ORAI2: variants seen among roughly 807,000 people sequenced by gnomAD.
ORAI2 encodes protein orai-2.
A neutral mutation model predicts 16.2 loss-of-function variants in ORAI2; 10 were observed. The ratio of observed to expected loss-of-function variants is 0.62; its 90% confidence interval spans 0.38 to 1.04. The LOEUF (loss-of-function observed/expected upper bound fraction) is 1.04, where lower values mean the gene tolerates loss of function less well. Among genes scored for constraint, ORAI2 ranks in the 50% least tolerant of loss-of-function variants. The pLI, the probability that ORAI2 is intolerant of heterozygous loss-of-function variation, is 0.01. For synonymous variants in ORAI2, 150 were observed against 157.5 expected (o/e 0.95, Z 0.35); for missense variants, 238 against 355.5 (o/e 0.67, Z 2.66).
intron 3 of ORAI2, among the ~76,000 whole-genome samples, chr7:102,443,724 T>G (rs1340222668): frequency 1.3e-5 from 2 of 151,966 alleles, no homozygotes; most frequent in Non-Finnish European, 2.9e-5. Context: ...TTTTCTTTTT[T>G]GAGATGTAGT....
chr7:102,441,145 G>A (rs971008495), intron 3 of ORAI2, among the ~76,000 whole-genome samples: 6 of 151,194 alleles, frequency 4.0e-5, no homozygotes, highest in East Asian at 2.0e-4. Flanking sequence ...CGCCACCCTC[G>A]GCCTCCCAAA....
At chr7:102,439,726 T>C (rs890229386) in intron 3 of ORAI2, among the ~76,000 whole-genome samples, 1 of 151,814 alleles carries the variant, frequency 6.6e-6, no homozygotes, top group Non-Finnish European at 1.5e-5. Flanking sequence ...TCCACACGAC[T>C]GCACTCCAGC....
At chr7:102,441,531 T>C (rs1250296760) in intron 3 of ORAI2, among the ~76,000 whole-genome samples, 5 of 136,942 alleles carry the variant, frequency 3.7e-5, no homozygotes, top group South Asian at 2.4e-4. Context: ...AGAGCGAGAC[T>C]GCATCTCAAA....
chr7:102,443,559 G>A (rs1469485520), intron 3 of ORAI2, among the ~76,000 whole-genome samples: 1 of 151,818 alleles, frequency 6.6e-6, no homozygotes, highest in African/African-American at 2.4e-5. Context: ...TTCCTTTGAG[G>A]TGACCATAGC....
At position 102,448,614 on chromosome 7, in the gene ORAI2, G is replaced by A. The variant is rs1284194070; in HGVS notation, c.*1562G>A. ...TAGCCCCAGCTACTTGGGAGGCTGA[G>A]GCGGGAGAATGGCAATGGCGTGAAC... On this transcript the variant is annotated 3_prime_UTR_variant, in exon 4 of 4. Transcript: ENST00000495936. 2 of 152,112 alleles carry A rather than the reference G, an allele frequency of 1.3e-5. No homozygotes were observed. Among genetic ancestry groups the A allele is most frequent in the African/African-American group, 4.8e-5 (2 of 41,372 alleles). The allele number at this position is 152,112 out of a possible 1,614,324, so 9.4% of individuals were successfully genotyped here. A position where few individuals can be genotyped will look rare whatever the true frequency, so the allele number is the denominator to read the frequency against.
Position 102,450,260 on chromosome 7 carries a change from TGGCTTTG to T in ORAI2, c.*3211_*3217del, listed in dbSNP as rs1010038118. 7.0e-6 allele frequency: 1 copy of T among 143,758 alleles called. No homozygotes were observed. Among genetic ancestry groups the T allele is most frequent in the African/African-American group, 2.6e-5 (1 of 38,392 alleles). 8.9% of individuals were successfully genotyped at this position (143,758 alleles called of 1,614,324 possible). On this transcript the variant is annotated 3_prime_UTR_variant, in exon 4 of 4. Transcript: ENST00000495936. ...AGCATGTCAGCGTTCCTCCAAGGAGTGGCTTTGGGTCAAGAAGACAGGCTGGCTCTCC... is the reference window on the plus strand; with the variant it reads ...AGCATGTCAGCGTTCCTCCAAGGAGTGGTCAAGAAGACAGGCTGGCTCTCC...
intron 2 of ORAI2, among the ~76,000 whole-genome samples, chr7:102,438,163 C>G (rs960485923): frequency 1.3e-5 from 2 of 151,852 alleles, no homozygotes; most frequent in African/African-American, 4.8e-5. Flanking sequence ...GCCTGGCCAA[C>G]ATGGTGAAAC....
At chr7:102,444,151 G>T (rs183346384) in intron 3 of ORAI2, among the ~76,000 whole-genome samples, 1 of 151,916 alleles carries the variant, frequency 6.6e-6, no homozygotes, top group Admixed American at 6.6e-5. Flanking sequence ...ACAGGATATC[G>T]CTCCATTGCC....
intron 2 of ORAI2, among the ~76,000 whole-genome samples, chr7:102,437,156 C>T (rs1184591096): frequency 1.3e-5 from 2 of 152,128 alleles, no homozygotes; most frequent in East Asian, 3.9e-4. Flanking sequence ...AGATGTTTAC[C>T]AGGTGTGAGT....
At chr7:102,435,191 A>G (rs1797030504) in intron 1 of ORAI2, among the ~76,000 whole-genome samples, 1 of 152,142 alleles carries the variant, frequency 6.6e-6, no homozygotes, top group Admixed American at 6.6e-5. Context: ...GGATCGCTTG[A>G]GCCTGGGAGG....
At chr7:102,435,915 A>C (rs768009975) in intron 1 of ORAI2, among the ~76,000 whole-genome samples, 9 of 152,108 alleles carry the variant, frequency 5.9e-5, no homozygotes, top group African/African-American at 1.4e-4. Flanking sequence ...GGTGTGAGCT[A>C]CTGCTCCTGA....
rs117223012 is a variant in ORAI2, at chr7:102,453,272, C to A, written c.*6220C>A. 6.6e-6 allele frequency: 1 copy of A among 152,150 alleles called. No homozygotes were observed. The highest frequency in any genetic ancestry group is 1.5e-5 in the Non-Finnish European group (1 of 68,040). The allele number at this position is 152,150 out of a possible 1,614,324, so 9.4% of individuals were successfully genotyped here. On this transcript the variant is annotated 3_prime_UTR_variant, in exon 4 of 4. Transcript: ENST00000495936. The stretch of plus-strand genomic sequence containing the variant: ...TACAGGTGTGAGCCACCACACCCAG[C>A]CTTTCTTTTTGCATTTTTAATAGAG...
Position 102,454,239 on chromosome 7 carries a change from C to A in ORAI2, c.*7187C>A, listed in dbSNP as rs1797594610. ...ACGAGACCCTGTCTCTACAAAAATACAAAAATTACCCGGGCTTGGTGGCTC... is the reference window on the plus strand; with the variant it reads ...ACGAGACCCTGTCTCTACAAAAATAAAAAAATTACCCGGGCTTGGTGGCTC... On this transcript the variant is annotated 3_prime_UTR_variant, in exon 4 of 4. Transcript: ENST00000495936. 1 of 151,996 alleles carries A rather than the reference C, an allele frequency of 6.6e-6. No homozygotes were observed. Among genetic ancestry groups the A allele is most frequent in the Admixed American group, 6.6e-5 (1 of 15,258 alleles). The allele number at this position is 151,996 out of a possible 1,614,324, so 9.4% of individuals were successfully genotyped here.
intron 2 of ORAI2, among the ~76,000 whole-genome samples, chr7:102,438,484 G>C (rs988421506): frequency 3.3e-5 from 5 of 151,842 alleles, no homozygotes; most frequent in African/African-American, 1.2e-4. Flanking sequence ...ATAACTTTAG[G>C]TCCTGGAAGG....
chr7:102,443,362 T>C (rs1421710267), intron 3 of ORAI2, among the ~76,000 whole-genome samples: 1 of 145,078 alleles, frequency 6.9e-6, no homozygotes, highest in Non-Finnish European at 1.5e-5. Flanking sequence ...CACTGCAAAC[T>C]CCACCTTCCG....
chr7:102,438,590 C>T (rs1405102385), intron 2 of ORAI2, among the ~76,000 whole-genome samples: 1 of 152,186 alleles, frequency 6.6e-6, no homozygotes, highest in Non-Finnish European at 1.5e-5. Flanking sequence ...GCCTGGCCAA[C>T]ATGATGAAAC....
intron 3 of ORAI2, 71 bp downstream of exon 3, chr7:102,439,252 C>T (rs948723738): frequency 1.1e-5 from 14 of 1,331,968 alleles, no homozygotes; most frequent in African/African-American, 5.8e-5. Context: ...CGGGATGCCT[C>T]AGGGACCAGA....
chr7:102,447,082 C>A lies in ORAI2; in HGVS notation c.*30C>A. On this transcript the variant is annotated 3_prime_UTR_variant, in exon 4 of 4. Transcript: ENST00000495936. Reference sequence around the variant, plus strand: ...CCGAGGGCCGGGGCTGGGAGCGGCCCTGTGCCCGGGAGTCCGCAGAGGCGG... The same window carrying A: ...CCGAGGGCCGGGGCTGGGAGCGGCCATGTGCCCGGGAGTCCGCAGAGGCGG... 1 of 1,499,526 alleles carries A rather than the reference C, an allele frequency of 6.7e-7. No individual in the cohort carries two copies. Among genetic ancestry groups the A allele is most frequent in the Non-Finnish European group, 8.9e-7 (1 of 1,128,500 alleles). 92.9% of individuals were successfully genotyped at this position (1,499,526 alleles called of 1,614,324 possible). A position where few individuals can be genotyped will look rare whatever the true frequency, so the allele number is the denominator to read the frequency against.
intron 3 of ORAI2, among the ~76,000 whole-genome samples, chr7:102,440,450 G>A (rs1304125717): frequency 1.3e-5 from 2 of 152,212 alleles, no homozygotes; most frequent in Non-Finnish European, 2.9e-5. Flanking sequence ...ACCCCTGGAG[G>A]GAATTGTCCC....
Sources: gnomAD v4.1 joint callset for allele counts (sites outside exome capture counted in the v4.1 genomes callset) on GRCh38, gnomAD v4.1.1 for gene constraint, MANE v1.5 for transcripts, NCBI Gene and HGNC (gene_info 2026-07-23, HGNC 2026-07-21) for gene names.